The following TTC3 variants were observed in gnomAD, a reference collection of about 807,000 sequenced individuals.
The protein encoded by TTC3 is tetratricopeptide repeat domain 3.
Under a neutral mutation model 249.6 loss-of-function variants are expected in TTC3, and 180 were observed. The observed-to-expected ratio is 0.72, with a 90% CI of 0.64 to 0.82. The LOEUF is 0.82. Among genes scored for constraint, TTC3 ranks in the 40% least tolerant of loss-of-function variants. The pLI is 0.00. For synonymous variants in TTC3, 717 were observed against 805.0 expected, an observed-to-expected ratio of 0.89 and a Z score of 1.85; for missense variants, 2,061 against 2,398.4, an observed-to-expected ratio of 0.86 and a Z score of 2.94.
At chr21:37,106,775 T>C (rs868768941) in intron 10 of TTC3, among the ~76,000 whole-genome samples, 1 of 152,170 alleles carries the variant, frequency 6.6e-6, no homozygotes, top group South Asian at 2.1e-4. Context: ...CATGTGCCTA[T>C]ATTCCCAGCT....
intron 15 of TTC3, among the ~76,000 whole-genome samples, chr21:37,127,615 G>T (rs2077137042): frequency 1.3e-5 from 2 of 152,216 alleles, no homozygotes; most frequent in Admixed American, 6.5e-5. Context: ...CTGACCTCAA[G>T]CCTGGTGGTG....
intron 1 of TTC3, among the ~76,000 whole-genome samples, chr21:37,078,334 T>A (rs2071178912): frequency 6.6e-6 from 1 of 152,210 alleles, no homozygotes; most frequent in Non-Finnish European, 1.5e-5. Context: ...GCTTGTTACA[T>A]GACATGAAAA....
chr21:37,115,806 C>G (rs2076094309), intron 11 of TTC3, among the ~76,000 whole-genome samples: 1 of 152,190 alleles, frequency 6.6e-6, no homozygotes, highest in African/African-American at 2.4e-5. Flanking sequence ...TGTACTTGCC[C>G]TTCCCTCTGC....
At chr21:37,124,844 A>G in intron 14 of TTC3, 102 bp downstream of exon 14, 4 of 1,244,728 alleles carry the variant, frequency 3.2e-6, no homozygotes, top group Non-Finnish European at 4.5e-6. Context: ...TGGCGATTTG[A>G]ACCCTTTTTG....
intron 35 of TTC3, among the ~76,000 whole-genome samples, chr21:37,176,120 G>T (rs896705051): frequency 6.6e-6 from 1 of 152,106 alleles, no homozygotes; most frequent in Non-Finnish European, 1.5e-5. Flanking sequence ...AGAATCTCTT[G>T]TTGTTTTTAT....
chr21:37,104,912 C>T (rs185427470), intron 10 of TTC3, among the ~76,000 whole-genome samples: 39 of 152,282 alleles, frequency 2.6e-4, no homozygotes, highest in Middle Eastern at 3.4e-3. Flanking sequence ...TGTGCAGTCA[C>T]GGTTGAGACC....
chr21:37,189,648 C>A (rs149888012), intron 39 of TTC3, among the ~76,000 whole-genome samples: 1 of 151,836 alleles, frequency 6.6e-6, no homozygotes, highest in Non-Finnish European at 1.5e-5. Context: ...CCCGAGTTCA[C>A]GCCATTCTCC....
At chr21:37,073,468 TGTGTGGTGA>T in intron 1 of TTC3, 2 of 985,480 alleles carry the variant, frequency 2.0e-6, no homozygotes, top group East Asian at 2.3e-4. Context: ...CCTCCGTGGG[TGTGTGGTGA>T]GTGTGGGTGT....
At chr21:37,142,651 C>T (rs1215223490) in intron 20 of TTC3, among the ~76,000 whole-genome samples, 2 of 152,154 alleles carry the variant, frequency 1.3e-5, no homozygotes, top group South Asian at 4.2e-4. Context: ...GAATCAATAT[C>T]GTGAAAATGG....
At chr21:37,178,828 T>C (rs925311966) in intron 35 of TTC3, among the ~76,000 whole-genome samples, 1 of 151,920 alleles carries the variant, frequency 6.6e-6, no homozygotes, top group African/African-American at 2.4e-5. Context: ...GGCATGATAG[T>C]ACGCACCTGT....
intron 17 of TTC3, among the ~76,000 whole-genome samples, chr21:37,133,182 C>T (rs1291655865): frequency 6.6e-6 from 1 of 152,100 alleles, no homozygotes; most frequent in Non-Finnish European, 1.5e-5. Context: ...GATTTAAACA[C>T]AGTTTCATTA....
intron 1 of TTC3, 107 bp from the exon 2 acceptor site, chr21:37,087,140 G>T: frequency 7.9e-7 from 1 of 1,265,092 alleles, no homozygotes. Context: ...TATTTCCTTG[G>T]GCATAGGTTC....
chr21:37,124,819 T>C (rs1341474387), intron 14 of TTC3, 77 bp downstream of exon 14: 5 of 1,532,218 alleles, frequency 3.3e-6, no homozygotes, highest in South Asian at 1.3e-5. Flanking sequence ...TTGGTGGTAA[T>C]AGAAACCAAA....
rs2084853613 is a variant in TTC3, at chr21:37,195,942, C to G, written c.5485C>G (p.Pro1829Ala). ...TGTGGCTGATCGGAAGCAGCCTGTTCCTCCAGGACGTGCTGCGCGTTCAAG... is the reference window on the plus strand; with the variant it reads ...TGTGGCTGATCGGAAGCAGCCTGTTGCTCCAGGACGTGCTGCGCGTTCAAG... The change falls in exon 42 of 46, where the codon CCT becomes GCT. Residue 1829 changes from proline to alanine, a missense_variant. Pro to Ala is a conservative substitution (Grantham distance 27, BLOSUM62 -1). Around this residue, in one of 3 missense-constraint regions of TTC3, gnomAD observed 1,040 missense variants for 1,186.1 expected, o/e 0.88. Coordinates refer to ENST00000355666, the Ensembl canonical transcript of TTC3. The G allele has an allele frequency of 1.6e-5, 26 of 1,614,232 alleles. No individual in the cohort carries two copies. Among genetic ancestry groups the G allele is most frequent in the Non-Finnish European group, 2.1e-5 (25 of 1,180,038 alleles).
chr21:37,188,291 T>C, intron 38 of TTC3: 1 of 483,802 alleles, frequency 2.1e-6, no homozygotes, highest in South Asian at 2.3e-5. Context: ...ATGGAAGGTA[T>C]GCATTTGTGA....
At chr21:37,184,999 G>A (rs185294618) in intron 36 of TTC3, among the ~76,000 whole-genome samples, 1 of 152,320 alleles carries the variant, frequency 6.6e-6, no homozygotes, top group Admixed American at 6.5e-5. Context: ...GGCTATGAAA[G>A]AAGGCAGGGC....
intron 29 of TTC3, among the ~76,000 whole-genome samples, chr21:37,160,541 A>G (rs2080608222): frequency 6.6e-6 from 1 of 152,230 alleles, no homozygotes; most frequent in Admixed American, 6.5e-5. Context: ...TAATTACTTG[A>G]AATAACAGTC....
rs369146586 is a variant in TTC3 at position 37,126,085 on chromosome 21, G to A, written c.1239G>A (p.Ala413=). 8.7e-6 allele frequency: 14 copies of A among 1,605,508 alleles called. 1 individual carries two copies. The highest frequency in any genetic ancestry group is 6.7e-5 in the East Asian group (3 of 44,738). The change falls in exon 15 of 46, where the codon GCG becomes GCA. Residue 413 remains alanine, a synonymous_variant. Coordinates refer to ENST00000355666, the Ensembl canonical transcript of TTC3. ...CTCACTAATTTCATTGGCAGGTGGC[G>A]GATGAGGCGTTGAAGGTAGATGATT...
intron 10 of TTC3, among the ~76,000 whole-genome samples, chr21:37,106,730 T>G (rs2075116066): frequency 6.6e-6 from 1 of 151,942 alleles, no homozygotes; most frequent in African/African-American, 2.4e-5. Flanking sequence ...ACAAAAAAAT[T>G]CAAAAATTAG....
Sources: allele counts gnomAD v4.1 joint callset (sites outside exome capture counted in the v4.1 genomes callset), GRCh38; gene constraint gnomAD v4.1.1; regional missense constraint gnomAD v4.1.1; transcripts MANE v1.5; gene names NCBI Gene and HGNC (gene_info 2026-07-23, HGNC 2026-07-21).